Variants in FBXO42 observed in about 807,000 individuals in gnomAD.
FBXO42 encodes F-box protein 42, also known as F-box only protein 42.
Under a neutral mutation model 71.7 loss-of-function variants are expected in FBXO42, and 12 were observed. The observed-to-expected ratio is 0.17, with a 90% CI of 0.11 to 0.27. The LOEUF is 0.27. FBXO42 is among the 10% of genes least tolerant of loss of function. FBXO42 has a pLI of 1.00. For missense variants in FBXO42, 707 were observed against 911.9 expected (o/e 0.78, Z 2.89); for synonymous variants, 325 against 327.5 (o/e 0.99, Z 0.08).
chr1:16,264,563 T>C lies in FBXO42; in HGVS notation c.503-7804A>G, dbSNP rs151218314. ...CCATCAAGCACGACAGGACCAAATG[T>C]GCCCACATCAAGCGTAGATGAACAT... On this transcript the variant is annotated intron_variant, in intron 4 of 9. Coordinates refer to ENST00000375592, the MANE Select transcript of FBXO42 (RefSeq NM_018994.3). Among the ~76,000 whole-genome samples, 332 of 152,318 alleles carry C rather than the reference T, an allele frequency of 2.2e-3. 9 individuals are homozygous for C. Among genetic ancestry groups the C allele is most frequent in the Admixed American group, 0.02 (307 of 15,290 alleles).
chr1:16,336,558 T>C (rs2082555105), intron 1 of FBXO42, among the ~76,000 whole-genome samples: 1 of 147,812 alleles, frequency 6.8e-6, no homozygotes, highest in Admixed American at 6.8e-5. Context: ...GGTTTCACCA[T>C]GTTGGCCAGG....
chr1:16,308,115 A>G lies in FBXO42; in HGVS notation c.251-2196T>C, dbSNP rs1000099011. 2.0e-5 allele frequency among the ~76,000 whole-genome samples: 3 copies of G among 152,174 alleles called. No individual in the cohort carries two copies. In the South Asian group the frequency reaches 6.2e-4, roughly 32 times the overall value. ...AATAAATCAATGGAACAGAATAGAG[A>G]GCCAAGAAATAGACCCATACAAATA... On this transcript the variant is annotated intron_variant, in intron 2 of 9. Coordinates refer to ENST00000375592, the MANE Select transcript of FBXO42 (RefSeq NM_018994.3).
Position 16,256,772 on chromosome 1 carries a change from A to G in FBXO42, c.503-13T>C. The G allele has an allele frequency of 1.2e-6, 2 of 1,613,588 alleles. No individual in the cohort carries two copies. Among genetic ancestry groups the G allele is most frequent in the East Asian group, 2.2e-5 (1 of 44,874 alleles). On this transcript the variant is annotated splice_polypyrimidine_tract_variant and intron_variant, in intron 4 of 9. Coordinates refer to ENST00000375592, the MANE Select transcript of FBXO42 (RefSeq NM_018994.3). ...GAAGGATAGGACCCTAGGGAAAGTC[A>G]GTAACACCATGGTTAGCATTCAGGA... is the stretch of plus-strand genomic sequence containing the variant.
intron 1 of FBXO42, among the ~76,000 whole-genome samples, chr1:16,342,696 A>G (rs1315454008): frequency 6.6e-6 from 1 of 151,934 alleles, no homozygotes; most frequent in African/African-American, 2.4e-5. Flanking sequence ...TATGGTTTAG[A>G]TAAGGTTTGT....
In FBXO42 at chr1:16,295,057, CTT is replaced by C. The variant is rs772650946; in HGVS notation, c.368-142_368-141del. ...AGTACCAAATTTCTATTACCAGCCT[CTT>C]GTCTCCAAGTGGATCAATATATTAC... On this transcript the variant is annotated intron_variant, in intron 3 of 9. Transcript: ENST00000375592. The C allele has an allele frequency of 9.9e-5, 92 of 930,176 alleles. 1 individual carries two copies. The highest frequency in any genetic ancestry group is 7.0e-4 in the Middle Eastern group (2 of 2,846). The allele number at this position is 930,176 out of a possible 1,614,324, so 57.6% of individuals were successfully genotyped here. A position where few individuals can be genotyped will look rare whatever the true frequency, so the allele number is the denominator to read the frequency against.
At chr1:16,351,491 C>T (rs1052384098) in intron 1 of FBXO42, among the ~76,000 whole-genome samples, 1 of 152,138 alleles carries the variant, frequency 6.6e-6, no homozygotes, top group African/African-American at 2.4e-5. Flanking sequence ...TAACAGAAAT[C>T]GGGAGATTTA....
At chr1:16,260,274 T>C (rs2081697043) in intron 4 of FBXO42, among the ~76,000 whole-genome samples, 1 of 149,936 alleles carries the variant, frequency 6.7e-6, no homozygotes, top group Admixed American at 6.7e-5. Flanking sequence ...AATGGCACGA[T>C]CTCGGCTCAC....
At position 16,324,539 on chromosome 1, in the gene FBXO42, C is replaced by T. The variant is rs181772132; in HGVS notation, c.-17-9104G>A. On this transcript the variant is annotated intron_variant, in intron 1 of 9. Coordinates refer to ENST00000375592, the MANE Select transcript of FBXO42 (RefSeq NM_018994.3). Reference sequence around the variant, plus strand: ...TGAGCTCTAAAGACTAGGTAGAAGCCAAGTGTGGTGACTCATGCCTGTAAT... The same window carrying T: ...TGAGCTCTAAAGACTAGGTAGAAGCTAAGTGTGGTGACTCATGCCTGTAAT... Among the ~76,000 whole-genome samples the T allele has an allele frequency of 4.9e-3, 749 of 152,258 alleles. 4 individuals carry two copies. The highest frequency in any genetic ancestry group is 7.6e-3 in the Non-Finnish European group (519 of 68,026).
intron 6 of FBXO42, among the ~76,000 whole-genome samples, chr1:16,255,002 C>G (rs1250399558): frequency 6.6e-6 from 1 of 152,186 alleles, no homozygotes; most frequent in East Asian, 1.9e-4. Flanking sequence ...ATTTGGAGGG[C>G]CCACCATTTC....
At chr1:16,305,476 G>A (rs1279976459) in intron 3 of FBXO42, among the ~76,000 whole-genome samples, 1 of 152,176 alleles carries the variant, frequency 6.6e-6, no homozygotes, top group Non-Finnish European at 1.5e-5. Context: ...CAGCACTCTG[G>A]GAGGCCAAGG....
At chr1:16,332,738 A>G (rs1195124501) in intron 1 of FBXO42, among the ~76,000 whole-genome samples, 1 of 151,914 alleles carries the variant, frequency 6.6e-6, no homozygotes. Flanking sequence ...ATACAGTTTC[A>G]CCATGTTGGT....
intron 4 of FBXO42, among the ~76,000 whole-genome samples, chr1:16,258,804 A>G (rs1016431564): frequency 6.6e-6 from 1 of 152,106 alleles, no homozygotes; most frequent in Non-Finnish European, 1.5e-5. Context: ...TGATGCGATC[A>G]TGGCTCACTG....
chr1:16,295,701 A>C (rs574437673), intron 3 of FBXO42, among the ~76,000 whole-genome samples: 1 of 152,234 alleles, frequency 6.6e-6, no homozygotes, highest in African/African-American at 2.4e-5. Flanking sequence ...CCAATAAATG[A>C]ATCTTTATAT....
chr1:16,318,238 G>A (rs2082386332), intron 1 of FBXO42, among the ~76,000 whole-genome samples: 1 of 152,068 alleles, frequency 6.6e-6, no homozygotes, highest in Admixed American at 6.6e-5. Flanking sequence ...GGCCAGCATG[G>A]TGAAACCCGT....
At chr1:16,344,404 G>A (rs1010833650) in intron 1 of FBXO42, among the ~76,000 whole-genome samples, 14 of 148,428 alleles carry the variant, frequency 9.4e-5, no homozygotes, top group Admixed American at 4.1e-4. Flanking sequence ...CTGCAACCTC[G>A]GCCTCCCAGG....
At chr1:16,283,494 GTTTTT>G (rs386366300) in intron 4 of FBXO42, among the ~76,000 whole-genome samples, 23 of 80,988 alleles carry the variant, frequency 2.8e-4, no homozygotes, top group African/African-American at 1.0e-3. Context: ...ACTGTGGCAA[GTTTTT>G]TTTTTTTTTT....
At chr1:16,271,337 G>A (rs1489096819) in intron 4 of FBXO42, among the ~76,000 whole-genome samples, 1 of 151,020 alleles carries the variant, frequency 6.6e-6, no homozygotes, top group Admixed American at 6.6e-5. Flanking sequence ...CTGGAGTGCA[G>A]TGGCATGATC....
chr1:16,351,652 C>G (rs894824877), intron 1 of FBXO42, among the ~76,000 whole-genome samples: 2 of 152,184 alleles, frequency 1.3e-5, no homozygotes, highest in African/African-American at 4.8e-5. Flanking sequence ...GTTCCCTTTG[C>G]ACACACAATT....
Position 16,253,626 on chromosome 1 carries a change from C to T in FBXO42, c.864+9G>A. 1 of 1,613,826 alleles carries T rather than the reference C, an allele frequency of 6.2e-7. No individual in the cohort carries two copies. The highest frequency in any genetic ancestry group is 8.5e-7 in the Non-Finnish European group (1 of 1,179,762). On this transcript the variant is annotated intron_variant, in intron 7 of 9. Coordinates refer to ENST00000375592, the MANE Select transcript of FBXO42 (RefSeq NM_018994.3). ...TGTTTGCTGAATAGTTATTTTAATTCCTGAGCACCTGAGATTGGCCACCTC... is the reference window on the plus strand; with the variant it reads ...TGTTTGCTGAATAGTTATTTTAATTTCTGAGCACCTGAGATTGGCCACCTC...
Sources: gnomAD v4.1 joint callset for allele counts (sites outside exome capture counted in the v4.1 genomes callset) on GRCh38, gnomAD v4.1.1 for gene constraint, MANE v1.5 for transcripts, NCBI Gene and HGNC (gene_info 2026-07-23, HGNC 2026-07-21) for gene names.